QTGAL: variants seen among roughly 807,000 people sequenced by gnomAD.
QTGAL encodes the protein BGnT-like protein 1.
At chr17:82,982,212 AGG>A in the QTGAL span, among the ~76,000 whole-genome samples, 1 of 152,092 alleles carries the variant, frequency 6.6e-6, no homozygotes, top group East Asian at 1.9e-4. Flanking sequence ...GAGCGGGCCG[AGG>A]AAGGAGGGTT....
the QTGAL span, among the ~76,000 whole-genome samples, chr17:82,959,366 A>T: frequency 2.2e-5 from 3 of 138,056 alleles, no homozygotes; most frequent in Admixed American, 1.6e-4. Flanking sequence ...TGTGCACGTG[A>T]GTGCGTGTGT....
chr17:82,956,940 C>T, the QTGAL span: 1 of 967,584 alleles, frequency 1.0e-6, no homozygotes, highest in Non-Finnish European at 1.6e-6. The surrounding 1 kb of genome is among the most constrained non-coding windows in gnomAD (Gnocchi z 5.7). Flanking sequence ...AGGAACCCGG[C>T]TCCCGCCACC....
chr17:82,944,962 C>T, the QTGAL span: 3 of 152,238 alleles, frequency 2.0e-5, no homozygotes, highest in Non-Finnish European at 4.4e-5. Context: ...TGAATTAATA[C>T]TACCTGTATG....
At chr17:83,014,668 G>A in the QTGAL span, 33 of 823,504 alleles carry the variant, frequency 4.0e-5, no homozygotes, top group East Asian at 8.1e-5. Context: ...TGATCCTCTC[G>A]CCTCAGCCTC....
the QTGAL span, among the ~76,000 whole-genome samples, chr17:82,998,551 C>T: frequency 6.6e-6 from 1 of 152,110 alleles, no homozygotes; most frequent in African/African-American, 2.4e-5. Context: ...GTCACTGTGT[C>T]AGCCAGGATG....
chr17:83,011,754 A>G, the QTGAL span, among the ~76,000 whole-genome samples: 1 of 151,858 alleles, frequency 6.6e-6, no homozygotes, highest in African/African-American at 2.4e-5. Context: ...GGCAGTGAGA[A>G]GAGTAGCAAG....
chr17:82,971,457 G>A, the QTGAL span, among the ~76,000 whole-genome samples: 8 of 152,120 alleles, frequency 5.3e-5, no homozygotes, highest in Non-Finnish European at 1.2e-4. Context: ...CCGTGGCAGC[G>A]ACTGGGGCCA....
chr17:82,945,927 A>G, the QTGAL span: 1 of 152,354 alleles, frequency 6.6e-6, no homozygotes, highest in Non-Finnish European at 1.5e-5. Flanking sequence ...AAGATGGCTT[A>G]TATGTGGATT....
chr17:82,973,395 C>T, the QTGAL span, among the ~76,000 whole-genome samples: 4 of 152,184 alleles, frequency 2.6e-5, no homozygotes, highest in Non-Finnish European at 4.4e-5. Context: ...AAAAGAAACA[C>T]GGAGATACGG....
chr17:83,005,079 G>C, the QTGAL span: 1 of 1,544,818 alleles, frequency 6.5e-7, no homozygotes, highest in Non-Finnish European at 8.9e-7. This position sits in a 1 kb window ranked among gnomAD's most constrained non-coding sequence, Gnocchi z 5.6. Flanking sequence ...GAGGCGACCT[G>C]TGCACCTGCC....
At chr17:82,970,667 C>CACGGCGTGG in the QTGAL span, among the ~76,000 whole-genome samples, 2 of 149,928 alleles carry the variant, frequency 1.3e-5, no homozygotes, top group African/African-American at 4.9e-5. Flanking sequence ...GACCTCCGCA[C>CACGGCGTGG]CCAGCGTGGC....
chr17:82,958,591 A>G, the QTGAL span, among the ~76,000 whole-genome samples: 1 of 152,088 alleles, frequency 6.6e-6, no homozygotes, highest in Non-Finnish European at 1.5e-5. Context: ...CAGAACCCCC[A>G]CAGGCAATGG....
chr17:83,006,697 T>C, the QTGAL span: 1 of 985,504 alleles, frequency 1.0e-6, no homozygotes, highest in Non-Finnish European at 1.2e-6. This position sits in a 1 kb window ranked among gnomAD's most constrained non-coding sequence, Gnocchi z 5.8. Flanking sequence ...GGAGGCGGCC[T>C]TCTGTGCCCG....
the QTGAL span, among the ~76,000 whole-genome samples, chr17:82,970,637 T>TCCCCAC: frequency 7.4e-5 from 8 of 107,792 alleles, 1 homozygote; most frequent in Non-Finnish European, 1.6e-4. Flanking sequence ...GGCCGCGACC[T>TCCCCAC]CCGCACCCGG....
the QTGAL span, among the ~76,000 whole-genome samples, chr17:83,004,957 T>G: frequency 6.6e-6 from 1 of 152,242 alleles, no homozygotes; most frequent in Non-Finnish European, 1.5e-5. Context: ...GCCACTCTCA[T>G]CTTCCACTCT....
the QTGAL span, among the ~76,000 whole-genome samples, chr17:82,959,043 G>GT: frequency 8.8e-6 from 1 of 113,022 alleles, no homozygotes; most frequent in Non-Finnish European, 1.8e-5. Flanking sequence ...TACTGTGGGG[G>GT]TGTATGGTGT....
At chr17:82,996,916 C>T in the QTGAL span, among the ~76,000 whole-genome samples, 2 of 152,160 alleles carry the variant, frequency 1.3e-5, no homozygotes, top group Non-Finnish European at 2.9e-5. Flanking sequence ...TAAAGACTTA[C>T]ATTTAAGACT....
chr17:83,051,430 C>A, the QTGAL span, among the ~76,000 whole-genome samples: 12 of 152,212 alleles, frequency 7.9e-5, no homozygotes, highest in Admixed American at 3.9e-4. Flanking sequence ...AGCTCCGAGC[C>A]CGGAAGCTTC....
the QTGAL span, among the ~76,000 whole-genome samples, chr17:82,987,333 CT>C: frequency 1.3e-5 from 2 of 152,122 alleles, no homozygotes; most frequent in African/African-American, 4.8e-5. Context: ...AAAAAGAAGA[CT>C]TATTTGAGAA....
Sources: allele counts gnomAD v4.1 joint callset (sites outside exome capture counted in the v4.1 genomes callset), GRCh38; gene constraint gnomAD v4.1.1; non-coding constraint Gnocchi (gnomAD v3.1); transcripts MANE v1.5; gene names NCBI Gene and HGNC (gene_info 2026-07-23, HGNC 2026-07-21).